TLN1: variants seen among roughly 807,000 people sequenced by gnomAD.
TLN1 encodes the protein talin-1.
TLN1 carries 56 observed loss-of-function variants against 292.3 expected under a neutral mutation model. The observed-to-expected ratio is 0.19, with a 90% confidence interval of 0.15 to 0.24. The LOEUF (loss-of-function observed/expected upper bound fraction) is 0.24, where lower values mean the gene tolerates loss of function less well. Ranked by LOEUF, TLN1 falls within the 10% of genes least tolerant of loss-of-function variation. The pLI is 1.00. For synonymous variants in TLN1, 1,119 were observed against 1,253.7 expected (o/e 0.89, Z 2.27); for missense variants, 2,433 against 3,248.2 (o/e 0.75, Z 6.10).
chr9:35,722,312 T>C, intron 8 of TLN1, 89 bp from the exon 9 acceptor site: 1 of 1,141,950 alleles, frequency 8.8e-7, no homozygotes, highest in South Asian at 1.3e-5. Flanking sequence ...CGAGAGAGAA[T>C]TATGGGGACA....
In TLN1 at chr9:35,717,266, C is replaced by G; in HGVS notation, c.2338G>C (p.Glu780Gln). 1 of 1,614,184 alleles carries G rather than the reference C, an allele frequency of 6.2e-7. No homozygotes were observed. The highest frequency in any genetic ancestry group is 1.3e-5 in the African/African-American group (1 of 75,042). Residue 780 changes from glutamate to glutamine, a missense_variant, in exon 19 of 57, where the codon GAG becomes CAG. Glu to Gln is a conservative substitution (Grantham distance 29). Around this residue, in one of 7 missense-constraint regions of TLN1, gnomAD observed 617 missense variants for 770.6 expected, o/e 0.80. Transcript: ENST00000314888. This position sits in a 1 kb window ranked among gnomAD's most constrained non-coding sequence, Gnocchi z 4.7. The part of the protein sequence containing the change: ...AATAVTQALN[E>Q]LLQHVKAHAT... Reference sequence around the variant, plus strand: ...TGGGCTTTCACATGCTGCAGCAGCTCATTTAGGGCCTGGGTGACAGCTGTG... The same window carrying G: ...TGGGCTTTCACATGCTGCAGCAGCTGATTTAGGGCCTGGGTGACAGCTGTG...
intron 33 of TLN1, among the ~76,000 whole-genome samples, chr9:35,710,129 A>G (rs1825639360): frequency 6.8e-6 from 1 of 146,574 alleles, no homozygotes; most frequent in South Asian, 2.2e-4. Flanking sequence ...AGGCTGAGGC[A>G]GGAGACTAGC....
rs1348952155 is a variant in TLN1 at position 35,698,884 on chromosome 9, T to C, written c.7049A>G (p.Lys2350Arg). The C allele has an allele frequency of 6.2e-7, 1 of 1,614,188 alleles. No homozygotes were observed. Among genetic ancestry groups the C allele is most frequent in the Non-Finnish European group, 8.5e-7 (1 of 1,180,018 alleles). The part of the protein sequence containing the change: ...NFEEQILEAA[K>R]SIAAATSALV... ...TGCACTGGTGGCTGCTGCAATGGAC[T>C]TGGCAGCTTCTAGTATCTGCTCCTC... is the stretch of plus-strand genomic sequence containing the variant. Residue 2350 changes from lysine (K) to arginine (R), a missense_variant, in exon 53 of 57, where the codon AAG becomes AGG. By Grantham distance (26) the Lys-to-Arg change is conservative. Transcript: ENST00000314888. This position sits in a 1 kb window ranked among gnomAD's most constrained non-coding sequence, Gnocchi z 5.3.
At position 35,699,390 on chromosome 9, in the gene TLN1, G is replaced by C; in HGVS notation, c.6840C>G (p.Val2280=). 6.2e-7 allele frequency: 1 copy of C among 1,613,960 alleles called. No homozygotes were observed. Among genetic ancestry groups the C allele is most frequent in the Non-Finnish European group, 8.5e-7 (1 of 1,179,894 alleles). ...TGHSKRVAGS[V]TELIQAAEAM... Reference sequence around the variant, plus strand: ...CTTCAGCAGCCTGGATGAGCTCAGTGACGGAACCAGCCACACGCTTTGAAT... The same window carrying C: ...CTTCAGCAGCCTGGATGAGCTCAGTCACGGAACCAGCCACACGCTTTGAAT... Residue 2280 remains valine (V), a synonymous_variant, in exon 51 of 57, where the codon GTC becomes GTG. Transcript: ENST00000314888. The surrounding 1 kb of genome is among the most constrained non-coding windows in gnomAD (Gnocchi z 4.0).
intron 48 of TLN1, among the ~76,000 whole-genome samples, chr9:35,702,720 C>T (rs1239490538): frequency 4.6e-5 from 7 of 151,754 alleles, no homozygotes; most frequent in Admixed American, 1.3e-4. Flanking sequence ...CTCGAACTCC[C>T]GACCTTGTGA....
chr9:35,705,931 T>C, intron 41 of TLN1, 31 bp downstream of exon 41: 1 of 1,614,056 alleles, frequency 6.2e-7, no homozygotes, highest in Non-Finnish European at 8.5e-7. Context: ...CAGGGTAGCC[T>C]CAGTGTCCAA....
chr9:35,721,211 C>G (rs1488373488), intron 10 of TLN1, among the ~76,000 whole-genome samples: 1 of 152,186 alleles, frequency 6.6e-6, no homozygotes, highest in African/African-American at 2.4e-5. Flanking sequence ...AATGGCCACA[C>G]TTTAAGGTTG....
At position 35,698,354 on chromosome 9, in the gene TLN1, T is replaced by G. The variant is rs773339165; in HGVS notation, c.7340A>C (p.Asp2447Ala). ...QLLVACKVKADQDSEAMKRLQ... is the reference protein window; with the variant it reads ...QLLVACKVKAAQDSEAMKRLQ... ...TCGTTTCATTGCCTCCGAGTCCTGG[T>G]CAGCCTTGACCTTGCAGGCCACAAG... is the stretch of plus-strand genomic sequence containing the variant. Residue 2447 changes from aspartate (D) to alanine (A), a missense_variant, in exon 55 of 57, where the codon GAC (aspartate) becomes GCC (alanine). Around this residue, in one of 7 missense-constraint regions of TLN1, gnomAD observed 141 missense variants for 248.5 expected, o/e 0.57. Coordinates refer to ENST00000314888, the MANE Select transcript of TLN1 (RefSeq NM_006289.4). The surrounding 1 kb of genome is among the most constrained non-coding windows in gnomAD (Gnocchi z 5.3). 1 of 1,614,194 alleles carries G rather than the reference T, an allele frequency of 6.2e-7. No individual in the cohort carries two copies. The highest frequency in any genetic ancestry group is 8.5e-7 in the Non-Finnish European group (1 of 1,180,036).
chr9:35,723,883 C>G (rs761974822), intron 7 of TLN1, 69 bp downstream of exon 7: 15 of 1,589,670 alleles, frequency 9.4e-6, no homozygotes, highest in Non-Finnish European at 1.2e-5. Flanking sequence ...GGAATGGAGA[C>G]AGGCCCACTG....
Position 35,705,832 on chromosome 9 carries a change from C to T in TLN1, c.5531G>A (p.Gly1844Asp), listed in dbSNP as rs747472950. The T allele has an allele frequency of 7.4e-6, 12 of 1,614,236 alleles. No homozygotes were observed. Among genetic ancestry groups the T allele is most frequent in the Admixed American group, 1.7e-5 (1 of 60,032 alleles). ...AINQLDEGPM[G>D]EPEGSFVDYQ... is the part of the protein sequence containing the mutation. The stretch of plus-strand genomic sequence containing the variant: ...ATCCACGAAGGAACCTTCTGGTTCA[C>T]CCATTGGTCCTTCATCTAGCTGAGG... The change falls in exon 42 of 57, where the codon GGT becomes GAT. Residue 1844 changes from glycine (G) to aspartate (D), a missense_variant. Transcript: ENST00000314888.
At position 35,725,545 on chromosome 9, in the gene TLN1, A is replaced by C; in HGVS notation, c.130+20T>G. 5.6e-6 allele frequency: 9 copies of C among 1,608,926 alleles called. No individual in the cohort carries two copies. Among genetic ancestry groups the C allele is most frequent in the Non-Finnish European group, 7.6e-6 (9 of 1,176,584 alleles). On this transcript the variant is annotated intron_variant, in intron 2 of 56. Transcript: ENST00000314888. ...GGGACTGAAGACTCCCACTCCAGCC[A>C]CCGGGGGAGTCAGACTCACGAGGAC...
intron 8 of TLN1, 32 bp downstream of exon 8, chr9:35,722,829 C>T: frequency 5.0e-6 from 8 of 1,609,290 alleles, no homozygotes; most frequent in Non-Finnish European, 6.8e-6. Context: ...GCTCCGCGGT[C>T]ATCCCAAATA....
At position 35,719,889 on chromosome 9, in the gene TLN1, G is replaced by A. The variant is rs1476935169; in HGVS notation, c.1465-36C>T. The A allele has an allele frequency of 1.9e-6, 3 of 1,568,188 alleles. No individual in the cohort carries two copies. The African/African-American group carries it at 4.1e-5, about 21-fold the overall frequency. On this transcript the variant is annotated intron_variant, in intron 13 of 56. Transcript: ENST00000314888. The surrounding 1 kb of genome is among the most constrained non-coding windows in gnomAD (Gnocchi z 4.6). ...GTGGGGAGAAACAGGGACTGGAATG[G>A]ATGTTTGGAGAAAAGAGAAGGTAAA...
At chr9:35,709,762 C>CTG (rs980703657) in intron 33 of TLN1, among the ~76,000 whole-genome samples, 58 of 150,646 alleles carry the variant, frequency 3.9e-4, no homozygotes, top group African/African-American at 1.4e-3. Context: ...TGGCGCGCGC[C>CTG]TGTAGTCCCA....
chr9:35,731,011 C>A lies in TLN1; in HGVS notation c.-34+1064G>T, dbSNP rs112379352. Among the ~76,000 whole-genome samples, 989 of 152,212 alleles carry A rather than the reference C, an allele frequency of 6.5e-3. 16 individuals carry two copies. Among genetic ancestry groups the A allele is most frequent in the African/African-American group, 0.022 (914 of 41,526 alleles). On this transcript the variant is annotated intron_variant, in intron 1 of 56. Transcript: ENST00000314888. ...AAACAACACAGTCCAGAATCTCTGT[C>A]CCCTAACTGTGGTGGCCACAGCAAG... is the stretch of plus-strand genomic sequence containing the variant.
chr9:35,716,640 T>C (rs942959112), intron 19 of TLN1, 84 bp from the exon 20 acceptor site: 3 of 1,460,670 alleles, frequency 2.1e-6, no homozygotes, highest in South Asian at 2.5e-5. Context: ...AAAAGTGGTG[T>C]AGACAAGGTA....
chr9:35,720,995 G>T, intron 10 of TLN1, 82 bp from the exon 11 acceptor site: 1 of 1,041,466 alleles, frequency 9.6e-7, no homozygotes, highest in Non-Finnish European at 1.5e-6. Context: ...GCCCAAGGTT[G>T]AGCTGATGAG....
Position 35,706,604 on chromosome 9 carries a change from G to A in TLN1, c.5089-53C>T, listed in dbSNP as rs1055024843. ...ATGGTGACCTGCAATAGGACCCTCTGGCTACAAAGAACTGCTCTTCTGTCC... is the reference window on the plus strand; with the variant it reads ...ATGGTGACCTGCAATAGGACCCTCTAGCTACAAAGAACTGCTCTTCTGTCC... On this transcript the variant is annotated intron_variant, in intron 38 of 56. Transcript: ENST00000314888. This position sits in a 1 kb window ranked among gnomAD's most constrained non-coding sequence, Gnocchi z 4.2. 1.2e-6 allele frequency: 2 copies of A among 1,601,808 alleles called. No individual in the cohort carries two copies. Among genetic ancestry groups the A allele is most frequent in the East Asian group, 2.2e-5 (1 of 44,796 alleles).
At chr9:35,713,725 G>A (rs1293066012) in intron 25 of TLN1, among the ~76,000 whole-genome samples, 1 of 129,590 alleles carries the variant, frequency 7.7e-6, no homozygotes, top group African/African-American at 2.9e-5. Flanking sequence ...AAAGAAAAGA[G>A]AAAAGAAAAG....
Sources: allele counts gnomAD v4.1 joint callset (sites outside exome capture counted in the v4.1 genomes callset), GRCh38; gene constraint gnomAD v4.1.1; regional missense constraint gnomAD v4.1.1; non-coding constraint Gnocchi (gnomAD v3.1); transcripts MANE v1.5; gene names NCBI Gene and HGNC (gene_info 2026-07-23, HGNC 2026-07-21).